Variants in FXYD5 observed in about 807,000 individuals in gnomAD.
FXYD5 encodes FXYD domain-containing ion transport regulator 5.
FXYD5 carries 21 observed loss-of-function variants against 25.7 expected under a neutral mutation model. The observed-to-expected ratio is 0.82, with a 90% CI of 0.58 to 1.18. The LOEUF (loss-of-function observed/expected upper bound fraction) is 1.18. FXYD5 is among the 50% of genes most tolerant of loss of function. The probability of loss-of-function intolerance (pLI) is 0.00; values close to 1 mark genes in which losing one functional copy is unlikely to be tolerated. For synonymous variants in FXYD5, 101 were observed against 90.7 expected (o/e 1.11, Z -0.64); for missense variants, 229 against 227.7 (o/e 1.01, Z -0.04).
chr19:35,157,477 A>G lies in FXYD5; in HGVS notation c.118A>G (p.Ile40Val), dbSNP rs2065367618. The change falls in exon 3 of 9, where the codon ATT becomes GTT. Residue 40 changes from isoleucine to valine, a missense_variant. Physicochemically the swap from Ile to Val is conservative, Grantham distance 29. Coordinates refer to ENST00000392219, the MANE Select transcript of FXYD5 (RefSeq NM_014164.6). ...SSSADSTIMD[I>V]QVPTRAPDAV... is the part of the protein sequence containing the mutation. ...TTCAGCAGACTCAACTATCATGGAC[A>G]TTCAGGTCCCGACACGAGCCCCAGG... The G allele has an allele frequency of 6.3e-7, 1 of 1,577,588 alleles. No homozygotes were observed. The highest frequency in any genetic ancestry group is 1.1e-5 in the South Asian group (1 of 90,324).
chr19:35,165,843 G>A (rs940584223), intron 6 of FXYD5, among the ~76,000 whole-genome samples: 31 of 152,088 alleles, frequency 2.0e-4, no homozygotes, highest in African/African-American at 7.0e-4. Context: ...GGAGCCATGC[G>A]GATGTCTAGG....
intron 8 of FXYD5, 128 bp downstream of exon 8, chr19:35,166,453 C>G (rs768439280): frequency 3.2e-6 from 2 of 632,374 alleles, no homozygotes; most frequent in Non-Finnish European, 5.6e-6. Context: ...CATATACATA[C>G]AAACCACCAC....
At chr19:35,165,435 C>A (rs113673493) in intron 6 of FXYD5, among the ~76,000 whole-genome samples, 5 of 152,224 alleles carry the variant, frequency 3.3e-5, no homozygotes, top group African/African-American at 4.8e-5. Flanking sequence ...GGTAGGAGTG[C>A]CTTTTAGCAT....
chr19:35,166,429 G>T (rs553418796), intron 8 of FXYD5, 104 bp downstream of exon 8: 2 of 707,952 alleles, frequency 2.8e-6, no homozygotes, highest in African/African-American at 3.5e-5. Flanking sequence ...TTTAAATGAG[G>T]TATCTATTAG....
intron 2 of FXYD5, among the ~76,000 whole-genome samples, chr19:35,155,884 T>A (rs1056987742): frequency 2.6e-5 from 4 of 152,222 alleles, no homozygotes; most frequent in African/African-American, 9.6e-5. Context: ...ACTCACTGAG[T>A]TTCATTTGGC....
At chr19:35,164,346 G>T in intron 6 of FXYD5, 101 bp downstream of exon 6, 2 of 1,188,880 alleles carry the variant, frequency 1.7e-6, no homozygotes, top group Non-Finnish European at 2.3e-6. Flanking sequence ...TCTCAGTAAA[G>T]ACGTGATGGG....
intron 5 of FXYD5, among the ~76,000 whole-genome samples, chr19:35,162,527 C>T (rs1039907117): frequency 3.9e-5 from 6 of 152,178 alleles, no homozygotes; most frequent in Admixed American, 6.5e-5. Flanking sequence ...GCTCTGTCTT[C>T]ACCATGTCCT....
intron 8 of FXYD5, 125 bp downstream of exon 8, chr19:35,166,450 A>T (rs1052157367): frequency 1.6e-6 from 1 of 639,708 alleles, no homozygotes; most frequent in Non-Finnish European, 2.8e-6. Context: ...CTGCATATAC[A>T]TACAAACCAC....
intron 5 of FXYD5, among the ~76,000 whole-genome samples, chr19:35,161,151 T>C (rs2065401074): frequency 6.6e-6 from 1 of 151,682 alleles, no homozygotes; most frequent in Admixed American, 6.6e-5. Context: ...TGTGGATATT[T>C]CTTTTTTGTA....
chr19:35,163,888 C>A, intron 5 of FXYD5: 1 of 995,452 alleles, frequency 1.0e-6, no homozygotes, highest in Non-Finnish European at 1.4e-6. Context: ...TAGTGTGGGC[C>A]AGAAGGTCCT....
chr19:35,157,370 G>A (rs1309171412), intron 2 of FXYD5, 51 bp from the exon 3 acceptor site: 2 of 961,368 alleles, frequency 2.1e-6, no homozygotes, highest in African/African-American at 3.2e-5. Context: ...CGGGGGTGGT[G>A]AGAGGAGGGG....
chr19:35,162,372 C>T (rs73044014), intron 5 of FXYD5, among the ~76,000 whole-genome samples: 13,388 of 152,190 alleles, frequency 0.088, 755 homozygotes, highest in East Asian at 0.26. Flanking sequence ...GCTCAGGTTA[C>T]GATAACAAAA....
At chr19:35,166,656 C>A in intron 8 of FXYD5, 1 of 413,412 alleles carries the variant, frequency 2.4e-6, no homozygotes. Flanking sequence ...TCTTATCCTT[C>A]ACTAAGCTAG....
chr19:35,158,149 G>T (rs1165453792), intron 3 of FXYD5, among the ~76,000 whole-genome samples, 195 bp from the exon 4 acceptor site: 1 of 152,148 alleles, frequency 6.6e-6, no homozygotes, highest in African/African-American at 2.4e-5. Context: ...GGCATCTGTG[G>T]GACGTAAGGT....
chr19:35,163,898 T>TA, intron 5 of FXYD5: 1 of 1,121,964 alleles, frequency 8.9e-7, no homozygotes, highest in Non-Finnish European at 1.2e-6. Flanking sequence ...CAGAAGGTCC[T>TA]AGGAGAGGGG....
chr19:35,165,661 T>G (rs1408958510), intron 6 of FXYD5, among the ~76,000 whole-genome samples: 1 of 152,122 alleles, frequency 6.6e-6, no homozygotes, highest in East Asian at 1.9e-4. Context: ...GGTCTCAGCC[T>G]TATTTTACCC....
chr19:35,161,728 A>C (rs2065407816), intron 5 of FXYD5, among the ~76,000 whole-genome samples: 1 of 152,204 alleles, frequency 6.6e-6, no homozygotes, highest in South Asian at 2.1e-4. Flanking sequence ...CTGAGCTGAG[A>C]TAAGGCAACA....
At chr19:35,169,016 T>C (rs1041363221) in intron 8 of FXYD5, among the ~76,000 whole-genome samples, 42 of 151,146 alleles carry the variant, frequency 2.8e-4, no homozygotes, top group Admixed American at 1.6e-3. Context: ...TGAGCTGAGA[T>C]TGTGCCACTG....
At chr19:35,163,385 C>G (rs191144264) in intron 5 of FXYD5, among the ~76,000 whole-genome samples, 3 of 149,032 alleles carry the variant, frequency 2.0e-5, no homozygotes, top group African/African-American at 7.5e-5. Context: ...TTGGGGGAGG[C>G]CTTTTCTTTG....
Sources: gnomAD v4.1 joint callset for allele counts (sites outside exome capture counted in the v4.1 genomes callset) on GRCh38, gnomAD v4.1.1 for gene constraint, MANE v1.5 for transcripts, NCBI Gene and HGNC (gene_info 2026-07-23, HGNC 2026-07-21) for gene names.